PPP6R3: variants seen among roughly 807,000 people sequenced by gnomAD.
The protein encoded by PPP6R3 is serine/threonine-protein phosphatase 6 regulatory subunit 3.
In PPP6R3, 38 loss-of-function variants were observed where a neutral mutation model predicts 110.7. That is an observed-to-expected ratio of 0.34 (90% CI 0.26 to 0.45). PPP6R3 has a LOEUF of 0.45. Ranked by LOEUF, PPP6R3 falls within the 20% of genes least tolerant of loss-of-function variation. The pLI, the probability that PPP6R3 is intolerant of heterozygous loss-of-function variation, is 1.00. For synonymous variants in PPP6R3, 369 were observed against 373.5 expected (o/e 0.99, Z 0.14); for missense variants, 870 against 1,062.4 (o/e 0.82, Z 2.52).
rs182468762 is a variant in PPP6R3 at position 68,593,785 on chromosome 11, A to G, written c.1916+2079A>G. Among the ~76,000 whole-genome samples the G allele has an allele frequency of 1.5e-4, 23 of 152,304 alleles. No individual in the cohort carries two copies. The East Asian group carries it at 2.1e-3, about 14-fold the overall frequency. ...TAGAATCCCAGCACTTTGGTTGGCC[A>G]AGGCAGATGGGTTGCTTGAGCCCAG... On this transcript the variant is annotated intron_variant, in intron 18 of 23. Transcript: ENST00000393800.
intron 1 of PPP6R3, among the ~76,000 whole-genome samples, chr11:68,502,197 G>T (rs1023215959): frequency 6.6e-6 from 1 of 152,008 alleles, no homozygotes; most frequent in Non-Finnish European, 1.5e-5. Flanking sequence ...AGTAAAAAAC[G>T]CATAAAATTA....
chr11:68,492,624 A>G (rs752112636), intron 1 of PPP6R3, among the ~76,000 whole-genome samples: 1 of 152,196 alleles, frequency 6.6e-6, no homozygotes, highest in Non-Finnish European at 1.5e-5. Flanking sequence ...TCTTTAGGGT[A>G]TATACCAAGA....
At chr11:68,471,940 G>A (rs1446994203) in intron 1 of PPP6R3, among the ~76,000 whole-genome samples, 1 of 151,874 alleles carries the variant, frequency 6.6e-6, no homozygotes, top group Non-Finnish European at 1.5e-5. Flanking sequence ...TGAAATGGAA[G>A]AGTTCTCAGC....
At position 68,614,897 on chromosome 11, in the gene PPP6R3, C is replaced by T. The variant is rs961138149; in HGVS notation, c.*1780C>T. On this transcript the variant is annotated 3_prime_UTR_variant, in exon 24 of 24. Coordinates refer to ENST00000393800, the MANE Select transcript of PPP6R3 (RefSeq NM_001164161.2). ...GGTAGATAATATGCTCTGGTCTCGC[C>T]TGGTGGTGAGTTTTGCCAGCCATGG... The T allele has an allele frequency of 2.8e-5, 23 of 831,584 alleles. No homozygotes were observed. The highest frequency in any genetic ancestry group is 4.1e-5 in the Non-Finnish European group (21 of 512,958). 51.5% of individuals were successfully genotyped at this position (831,584 alleles called of 1,614,324 possible).
rs184346767 is a variant in PPP6R3, at chr11:68,473,945, C to T, written c.-158+13118C>T. 1.9e-3 allele frequency among the ~76,000 whole-genome samples: 283 copies of T among 151,788 alleles called. 1 individual carries two copies. Among genetic ancestry groups the T allele is most frequent in the Middle Eastern group, 6.8e-3 (2 of 294 alleles). On this transcript the variant is annotated intron_variant, in intron 1 of 23. Coordinates refer to ENST00000393800, the MANE Select transcript of PPP6R3 (RefSeq NM_001164161.2). ...GTGGAATTGTTGGATAATGTGGTAA[C>T]TTTAACATTTTGAAGATTTGCCTTT... is the stretch of plus-strand genomic sequence containing the variant.
intron 2 of PPP6R3, among the ~76,000 whole-genome samples, 199 bp downstream of exon 2, chr11:68,519,850 A>G (rs189721918): frequency 4.0e-4 from 61 of 152,230 alleles, no homozygotes; most frequent in African/African-American, 1.4e-3. Context: ...GGTATATCTT[A>G]AATCTGCAGA....
intron 2 of PPP6R3, among the ~76,000 whole-genome samples, chr11:68,528,267 A>T (rs947298964): frequency 6.6e-6 from 1 of 152,146 alleles, no homozygotes; most frequent in African/African-American, 2.4e-5. Context: ...ACTGGAAAAG[A>T]TTCTGGAATA....
chr11:68,555,840 A>G (rs941461817), intron 7 of PPP6R3, among the ~76,000 whole-genome samples: 2 of 152,198 alleles, frequency 1.3e-5, no homozygotes, highest in African/African-American at 4.8e-5. Flanking sequence ...TAAAACCTCC[A>G]TTGCATTTAA....
At chr11:68,510,402 A>G (rs1382967775) in intron 1 of PPP6R3, among the ~76,000 whole-genome samples, 3 of 151,974 alleles carry the variant, frequency 2.0e-5, no homozygotes, top group Non-Finnish European at 4.4e-5. Context: ...CTGTGGCGCG[A>G]CACAGTTTAC....
intron 3 of PPP6R3, among the ~76,000 whole-genome samples, chr11:68,542,136 T>TG (rs2099319222): frequency 7.5e-6 from 1 of 133,568 alleles, no homozygotes; most frequent in Non-Finnish European, 1.6e-5. Context: ...AGTGATGCAT[T>TG]GTGCTGGAGT....
rs34666175 is a variant in PPP6R3, at chr11:68,542,389, GTTTT to G, written c.228-2430_228-2427del. ...ATCTTTGGGTGCTTGAGAAGCTGCT[GTTTT>G]TTTTTTTTTTTTTTTTTTAAGACAG... On this transcript the variant is annotated intron_variant, in intron 3 of 23. Transcript: ENST00000393800. 4.6e-3 allele frequency among the ~76,000 whole-genome samples: 183 copies of G among 40,216 alleles called. 9 individuals carry two copies. Among genetic ancestry groups the G allele is most frequent in the African/African-American group, 0.015 (142 of 9,648 alleles). The allele number at this position is 40,216 out of a possible 152,430, so 26.4% of individuals were successfully genotyped here. A position where few individuals can be genotyped will look rare whatever the true frequency, so the allele number is the denominator to read the frequency against.
chr11:68,582,782 T>C (rs1200963974), intron 14 of PPP6R3, among the ~76,000 whole-genome samples: 2 of 152,180 alleles, frequency 1.3e-5, no homozygotes, highest in Non-Finnish European at 2.9e-5. Context: ...AACTCACCTT[T>C]CTTCTTGTCT....
At chr11:68,478,696 C>T (rs922867614) in intron 1 of PPP6R3, among the ~76,000 whole-genome samples, 11 of 103,950 alleles carry the variant, frequency 1.1e-4, no homozygotes, top group Admixed American at 4.3e-4. Flanking sequence ...CTCGCTTTGT[C>T]GCCCAGGCTG....
rs541683585 is a variant in PPP6R3 at position 68,599,949 on chromosome 11, T to C, written c.2039-392T>C. Among the ~76,000 whole-genome samples the C allele has an allele frequency of 4.1e-4, 63 of 152,262 alleles. No homozygotes were observed. The South Asian group carries it at 4.1e-3, about 10-fold the overall frequency. On this transcript the variant is annotated intron_variant, in intron 19 of 23. Coordinates refer to ENST00000393800, the MANE Select transcript of PPP6R3 (RefSeq NM_001164161.2). ...CCATCCTGGCTAACACAGTGAAACC[T>C]GTCTCTACTAAAAATACAAAAAATT...
intron 8 of PPP6R3, among the ~76,000 whole-genome samples, chr11:68,562,664 G>GAC (rs2099429496): frequency 6.6e-6 from 1 of 152,178 alleles, no homozygotes; most frequent in Non-Finnish European, 1.5e-5. Context: ...GCGGAGAAAG[G>GAC]ACAGCGTTTT....
chr11:68,594,846 G>A (rs2099608620), intron 18 of PPP6R3, among the ~76,000 whole-genome samples: 1 of 152,188 alleles, frequency 6.6e-6, no homozygotes, highest in Admixed American at 6.5e-5. Flanking sequence ...AGTTAAAACA[G>A]TATGATATGG....
At position 68,475,568 on chromosome 11, in the gene PPP6R3, G is replaced by A. The variant is rs1289816307; in HGVS notation, c.-158+14741G>A. 9.9e-5 allele frequency among the ~76,000 whole-genome samples: 15 copies of A among 150,996 alleles called. No homozygotes were observed. In the South Asian group the frequency reaches 2.7e-3, roughly 27 times the overall value. On this transcript the variant is annotated intron_variant, in intron 1 of 23. Coordinates refer to ENST00000393800, the MANE Select transcript of PPP6R3 (RefSeq NM_001164161.2). The stretch of plus-strand genomic sequence containing the variant: ...GGCCCCCCACCTCCCTCCCGGACGG[G>A]GCGGCTGGCCGGGCGGGGGCTGCCC...
chr11:68,552,033 C>T (rs116093542), intron 6 of PPP6R3, among the ~76,000 whole-genome samples: 1,561 of 152,288 alleles, frequency 0.01, 10 homozygotes, highest in African/African-American at 0.012. Flanking sequence ...AGATTGAACT[C>T]TGTGCTGAGG....
chr11:68,480,602 G>A (rs1452770831), intron 1 of PPP6R3, among the ~76,000 whole-genome samples: 2 of 152,184 alleles, frequency 1.3e-5, no homozygotes, highest in Admixed American at 1.3e-4. Flanking sequence ...TGGGCTTAAA[G>A]TGCTCCTCAT....
Sources: allele counts gnomAD v4.1 joint callset (sites outside exome capture counted in the v4.1 genomes callset), GRCh38; gene constraint gnomAD v4.1.1; transcripts MANE v1.5; gene names NCBI Gene and HGNC (gene_info 2026-07-23, HGNC 2026-07-21).